Variants in MAGT1 observed in about 807,000 individuals in gnomAD.
MAGT1 encodes magnesium transporter 1, also known as dolichyl-diphosphooligosaccharide--protein glycosyltransferase subunit MAGT1.
Under a neutral mutation model 28.4 loss-of-function variants are expected in MAGT1, and 4 were observed. The ratio of observed to expected loss-of-function variants is 0.14; its 90% CI spans 0.07 to 0.32. The LOEUF (loss-of-function observed/expected upper bound fraction) is 0.32, where lower values mean the gene tolerates loss of function less well. MAGT1 is among the 10% of genes least tolerant of loss of function. The pLI, the probability that MAGT1 is intolerant of heterozygous loss-of-function variation, is 1.00. For missense variants in MAGT1, 193 were observed against 264.5 expected, an observed-to-expected ratio of 0.73 and a Z score of 1.88; for synonymous variants, 89 against 89.7, an observed-to-expected ratio of 0.99 and a Z score of 0.04.
chrX:77,869,408 T>C (rs1408130681), intron 3 of MAGT1, among the ~76,000 whole-genome samples: 1 of 111,716 alleles, frequency 9.0e-6, no homozygotes, highest in African/African-American at 3.3e-5. Context: ...AAATGGGACC[T>C]AATTTAACTA....
chrX:77,860,612 T>C (rs1178707965), intron 3 of MAGT1, among the ~76,000 whole-genome samples: 1 of 108,416 alleles, frequency 9.2e-6, no homozygotes, highest in Non-Finnish European at 1.9e-5. Flanking sequence ...CGAAACCCTG[T>C]CTCTACTAAA....
intron 7 of MAGT1, among the ~76,000 whole-genome samples, chrX:77,847,489 T>G (rs1169814187): frequency 1.8e-5 from 2 of 112,227 alleles, no homozygotes; most frequent in Non-Finnish European, 3.8e-5. Flanking sequence ...AGTACCTCAG[T>G]TGGAAATGCA....
At chrX:77,890,766 A>G (rs1025623772) in intron 1 of MAGT1, among the ~76,000 whole-genome samples, 23 of 111,497 alleles carry the variant, frequency 2.1e-4, no homozygotes, top group Non-Finnish European at 3.8e-4. Context: ...ATCTCATTTA[A>G]TTTTCACAAT....
rs549947111 is a variant in MAGT1, at chrX:77,832,665, CT to C, written c.902-1771del. Among the ~76,000 whole-genome samples, 582 of 109,122 alleles carry C rather than the reference CT, an allele frequency of 5.3e-3. 2 individuals are homozygous for C. The highest frequency in any genetic ancestry group is 0.046 in the South Asian group (119 of 2,562). 94.8% of individuals were successfully genotyped at this position (109,122 alleles called of 115,157 possible). A position where few individuals can be genotyped will look rare whatever the true frequency, so the allele number is the denominator to read the frequency against. ...CCAAGATGATGAAGCCCCATCTCTACTAAAAACTACAAAAAAAATTAGCCAG... is the reference window on the plus strand; with the variant it reads ...CCAAGATGATGAAGCCCCATCTCTACAAAAACTACAAAAAAAATTAGCCAG... On this transcript the variant is annotated intron_variant, in intron 8 of 9. Transcript: ENST00000618282.
At chrX:77,863,792 T>TG (rs2077001076) in intron 3 of MAGT1, among the ~76,000 whole-genome samples, 1 of 111,458 alleles carries the variant, frequency 9.0e-6, no homozygotes, top group Non-Finnish European at 1.9e-5. Flanking sequence ...CTGCGGCAGG[T>TG]GGATCAGTTG....
At chrX:77,831,065 C>T (rs1183055753) in intron 8 of MAGT1, among the ~76,000 whole-genome samples, 170 bp from the exon 9 acceptor site, 5 of 108,946 alleles carry the variant, frequency 4.6e-5, no homozygotes, top group South Asian at 3.8e-4. Flanking sequence ...TCGCCCAGGC[C>T]GGAGTGCAGC....
At chrX:77,885,791 C>T (rs1332111718) in intron 1 of MAGT1, among the ~76,000 whole-genome samples, 2 of 110,346 alleles carry the variant, frequency 1.8e-5, no homozygotes, top group African/African-American at 6.6e-5. Flanking sequence ...ACCAGCCTGA[C>T]CAACATGGTG....
intron 1 of MAGT1, among the ~76,000 whole-genome samples, chrX:77,877,013 CAAAAA>C (rs782800456): frequency 9.4e-5 from 1 of 10,652 alleles, no homozygotes; most frequent in African/African-American, 3.0e-4. Flanking sequence ...AACTCCATCT[CAAAAA>C]AAAAAAAAAA....
intron 3 of MAGT1, among the ~76,000 whole-genome samples, chrX:77,861,336 A>C (rs2076994289): frequency 9.0e-6 from 1 of 111,585 alleles, no homozygotes; most frequent in Non-Finnish European, 1.9e-5. Flanking sequence ...ACCACCTCAC[A>C]CTCATAAAGA....
At chrX:77,895,480 G>T (rs782341239), upstream of MAGT1, 3 of 1,180,459 alleles carry the variant, frequency 2.5e-6, no homozygotes, top group South Asian at 5.6e-5. Flanking sequence ...GTGAGAACAG[G>T]CAAATCGGCC....
chrX:77,852,047 C>T (rs1180461719), intron 7 of MAGT1, among the ~76,000 whole-genome samples: 2 of 108,996 alleles, frequency 1.8e-5, no homozygotes, highest in Admixed American at 9.9e-5. Context: ...TACAGGCACC[C>T]GCCACCACGC....
At chrX:77,880,245 G>A (rs2077047778) in intron 1 of MAGT1, among the ~76,000 whole-genome samples, 1 of 109,384 alleles carries the variant, frequency 9.1e-6, no homozygotes, top group African/African-American at 3.3e-5. Context: ...AATTAGTTTT[G>A]TAGGCCAGGC....
rs782231717 is a variant in MAGT1 at position 77,882,028 on chromosome X, CAG to C, written c.103-6433_103-6432del. 2.9e-4 allele frequency among the ~76,000 whole-genome samples: 32 copies of C among 112,237 alleles called. No homozygotes were observed. In the East Asian group the frequency reaches 8.6e-3, roughly 30 times the overall value. ...CAATAAATGTAATCCAGCATATAAA[CAG>C]AACCAAAGACAAAAACCACATGATT... On this transcript the variant is annotated intron_variant, in intron 1 of 9. Transcript: ENST00000618282.
chrX:77,830,136 A>G (rs1334907838), intron 9 of MAGT1, among the ~76,000 whole-genome samples: 2 of 112,317 alleles, frequency 1.8e-5, no homozygotes, highest in Admixed American at 9.5e-5. Context: ...AGCCTGGGTA[A>G]CATAGCAAGA....
chrX:77,842,548 C>A (rs781864371), intron 7 of MAGT1, among the ~76,000 whole-genome samples: 30 of 111,755 alleles, frequency 2.7e-4, no homozygotes, highest in East Asian at 2.2e-3. Flanking sequence ...AAATCCTGGC[C>A]GTGCGTGGTG....
At chrX:77,838,026 C>G in intron 8 of MAGT1, among the ~76,000 whole-genome samples, 1 of 112,325 alleles carries the variant, frequency 8.9e-6, no homozygotes, top group East Asian at 2.8e-4. Context: ...AGGTGTGAGT[C>G]ACCACGCCTG....
intron 8 of MAGT1, among the ~76,000 whole-genome samples, chrX:77,836,467 G>A (rs192823817): frequency 1.0e-3 from 114 of 111,742 alleles, no homozygotes; most frequent in Middle Eastern, 9.2e-3. Context: ...ATTACACATT[G>A]CATGCCTATA....
chrX:77,876,211 T>C (rs1485949079), intron 1 of MAGT1, among the ~76,000 whole-genome samples: 1 of 84,982 alleles, frequency 1.2e-5, no homozygotes, highest in Non-Finnish European at 2.2e-5. Flanking sequence ...TTTACTATGT[T>C]GCCCAGGCTA....
intron 2 of MAGT1, among the ~76,000 whole-genome samples, chrX:77,873,610 T>C (rs2077025566): frequency 1.8e-5 from 2 of 111,858 alleles, no homozygotes; most frequent in Non-Finnish European, 3.8e-5. Context: ...AACCATTGTT[T>C]GATGAAAACT....
Sources: gnomAD v4.1 joint callset for allele counts (sites outside exome capture counted in the v4.1 genomes callset) on GRCh38, gnomAD v4.1.1 for gene constraint, MANE v1.5 for transcripts, NCBI Gene and HGNC (gene_info 2026-07-23, HGNC 2026-07-21) for gene names.